The following RCAN2 variants were observed in gnomAD, a reference collection of about 807,000 sequenced individuals.
RCAN2 encodes regulator of calcineurin 2.
A neutral mutation model predicts 23.6 loss-of-function variants in RCAN2; 9 were observed. The observed-to-expected ratio is 0.38, with a 90% CI of 0.23 to 0.67. The LOEUF is 0.67. Ranked by LOEUF, RCAN2 falls within the 30% of genes least tolerant of loss-of-function variation. The probability of loss-of-function intolerance (pLI) is 0.51; values close to 1 mark genes in which losing one functional copy is unlikely to be tolerated. For missense variants in RCAN2, 273 were observed against 302.3 expected (o/e 0.90, Z 0.72); for synonymous variants, 109 against 115.7 (o/e 0.94, Z 0.37).
At chr6:46,318,695 T>A (rs1352697308) in intron 2 of RCAN2, among the ~76,000 whole-genome samples, 1 of 152,098 alleles carries the variant, frequency 6.6e-6, no homozygotes, top group Non-Finnish European at 1.5e-5. Context: ...AGAAAAAACC[T>A]TCTATGGTAA....
chr6:46,346,674 C>T (rs1165527295), intron 2 of RCAN2, among the ~76,000 whole-genome samples: 1 of 151,920 alleles, frequency 6.6e-6, no homozygotes, highest in Non-Finnish European at 1.5e-5. Context: ...ATGTAACACA[C>T]ATACATATAA....
Position 46,490,533 on chromosome 6 carries a change from G to T in RCAN2, c.-3+640C>A, listed in dbSNP as rs1302825601. Among the ~76,000 whole-genome samples, 3 of 152,188 alleles carry T rather than the reference G, an allele frequency of 2.0e-5. No homozygotes were observed. The South Asian group carries it at 6.2e-4, about 32-fold the overall frequency. The stretch of plus-strand genomic sequence containing the variant: ...GGGATCAGGCGGCTGGGATTTGCCT[G>T]TTCCCTCTGGTGACTTCTGGAGCGA... On this transcript the variant is annotated intron_variant, in intron 1 of 4. Coordinates refer to ENST00000371374, the MANE Select transcript of RCAN2 (RefSeq NM_001251974.2).
intron 2 of RCAN2, among the ~76,000 whole-genome samples, chr6:46,263,897 G>T (rs112954129): frequency 6.6e-6 from 1 of 152,052 alleles, no homozygotes; most frequent in Non-Finnish European, 1.5e-5. Flanking sequence ...TTGAGATTTT[G>T]GTATTAGTCA....
intron 2 of RCAN2, among the ~76,000 whole-genome samples, chr6:46,430,207 G>T (rs932839099): frequency 6.6e-6 from 1 of 152,206 alleles, no homozygotes; most frequent in African/African-American, 2.4e-5. Flanking sequence ...CGAGATGAGA[G>T]ATGCCTGAAG....
chr6:46,231,093 CT>C lies in RCAN2; in HGVS notation c.572-7793del, dbSNP rs556318511. On this transcript the variant is annotated intron_variant, in intron 4 of 4. Coordinates refer to ENST00000371374, the MANE Select transcript of RCAN2 (RefSeq NM_001251974.2). ...TAACCTCTAGTAGCTGTGAAAGTAACTTTATTTGGACCTAAGGTCTTTGCAG... is the reference window on the plus strand; with the variant it reads ...TAACCTCTAGTAGCTGTGAAAGTAACTTATTTGGACCTAAGGTCTTTGCAG... 3.9e-4 allele frequency among the ~76,000 whole-genome samples: 59 copies of C among 152,256 alleles called. 1 individual carries two copies. Among genetic ancestry groups the C allele is most frequent in the African/African-American group, 1.3e-3 (56 of 41,540 alleles).
chr6:46,434,831 T>C (rs1228385900), intron 2 of RCAN2, among the ~76,000 whole-genome samples: 1 of 152,202 alleles, frequency 6.6e-6, no homozygotes, highest in Non-Finnish European at 1.5e-5. Context: ...AATGGCATAC[T>C]GTCAGCCAGT....
At chr6:46,282,691 A>G (rs1934201543) in intron 2 of RCAN2, among the ~76,000 whole-genome samples, 1 of 152,330 alleles carries the variant, frequency 6.6e-6, no homozygotes. Context: ...TTATGATTCA[A>G]TGATGGCCCC....
chr6:46,342,226 G>A (rs958763475), intron 2 of RCAN2, among the ~76,000 whole-genome samples: 2 of 152,150 alleles, frequency 1.3e-5, no homozygotes, highest in Non-Finnish European at 2.9e-5. Flanking sequence ...CCTGGAATAG[G>A]AATAAGTAAG....
intron 2 of RCAN2, among the ~76,000 whole-genome samples, chr6:46,398,616 C>T (rs565785953): frequency 2.0e-4 from 31 of 152,012 alleles, no homozygotes; most frequent in Admixed American, 1.2e-3. Flanking sequence ...TCTCACAGAC[C>T]AATGAGAAAA....
intron 2 of RCAN2, among the ~76,000 whole-genome samples, chr6:46,385,401 G>T (rs771768742): frequency 3.3e-5 from 5 of 152,210 alleles, no homozygotes; most frequent in Non-Finnish European, 1.5e-5. Flanking sequence ...GGCAGAGCAT[G>T]ATTAGTAAGA....
chr6:46,350,234 G>T (rs1398884340), intron 2 of RCAN2, among the ~76,000 whole-genome samples: 2 of 152,222 alleles, frequency 1.3e-5, no homozygotes, highest in African/African-American at 4.8e-5. Context: ...TGGAGCAGGG[G>T]ACAGCTAGAA....
intron 2 of RCAN2, among the ~76,000 whole-genome samples, chr6:46,414,332 T>C (rs989399563): frequency 6.6e-6 from 1 of 152,132 alleles, no homozygotes; most frequent in Non-Finnish European, 1.5e-5. Context: ...GTGCTTAAAG[T>C]TTTCAGACCA....
chr6:46,417,511 G>T (rs1446638980), intron 2 of RCAN2, among the ~76,000 whole-genome samples: 1 of 152,126 alleles, frequency 6.6e-6, no homozygotes, highest in Non-Finnish European at 1.5e-5. Context: ...TATCAATTTG[G>T]ATAAAAAGCA....
chr6:46,236,338 C>A (rs899891125), intron 4 of RCAN2, among the ~76,000 whole-genome samples: 1 of 152,120 alleles, frequency 6.6e-6, no homozygotes, highest in African/African-American at 2.4e-5. Context: ...TCATCACTGG[C>A]AATTTTCTCT....
intron 2 of RCAN2, among the ~76,000 whole-genome samples, chr6:46,420,789 T>G (rs1315496507): frequency 1.3e-5 from 2 of 152,052 alleles, no homozygotes; most frequent in Non-Finnish European, 2.9e-5. Flanking sequence ...TCAGGTAATC[T>G]GCCCTCCTCG....
intron 2 of RCAN2, among the ~76,000 whole-genome samples, chr6:46,430,225 C>A (rs1767152906): frequency 6.6e-6 from 1 of 152,074 alleles, no homozygotes; most frequent in East Asian, 1.9e-4. Flanking sequence ...AAGCTTGGAG[C>A]AGGGATAAAA....
intron 2 of RCAN2, among the ~76,000 whole-genome samples, chr6:46,291,063 C>A (rs904574830): frequency 6.6e-6 from 1 of 152,090 alleles, no homozygotes; most frequent in African/African-American, 2.4e-5. Context: ...GTTTCATGAG[C>A]AGCAGGAGTT....
intron 2 of RCAN2, among the ~76,000 whole-genome samples, chr6:46,379,093 A>G (rs1765554024): frequency 6.6e-6 from 1 of 152,174 alleles, no homozygotes. Flanking sequence ...GCTCTAGTTG[A>G]GGAGTGTCTA....
rs550101649 is a variant in RCAN2, at chr6:46,225,841, C to T, written c.572-2540G>A. Among the ~76,000 whole-genome samples the T allele has an allele frequency of 1.9e-3, 292 of 152,184 alleles. 2 individuals carry two copies. The highest frequency in any genetic ancestry group is 6.4e-3 in the African/African-American group (265 of 41,540). ...TTTGTTGCCATTGCTTCTGGTGTTT[C>T]AGTCATGAAGTCCTTGCCCATGCCT... On this transcript the variant is annotated intron_variant, in intron 4 of 4. Coordinates refer to ENST00000371374, the MANE Select transcript of RCAN2 (RefSeq NM_001251974.2).
Sources: gnomAD v4.1 joint callset for allele counts (sites outside exome capture counted in the v4.1 genomes callset) on GRCh38, gnomAD v4.1.1 for gene constraint, MANE v1.5 for transcripts, NCBI Gene and HGNC (gene_info 2026-07-23, HGNC 2026-07-21) for gene names.